The following MYOM1 variants were observed in gnomAD, a reference collection of about 807,000 sequenced individuals.
MYOM1 encodes myomesin 1.
MYOM1 carries 164 observed loss-of-function variants against 205.3 expected under a neutral mutation model. The ratio of observed to expected loss-of-function variants is 0.80; its 90% CI spans 0.70 to 0.91. The LOEUF is 0.91. Among genes scored for constraint, MYOM1 ranks in the 40% least tolerant of loss-of-function variants. The probability of loss-of-function intolerance (pLI) is 0.00; values close to 1 mark genes in which losing one functional copy is unlikely to be tolerated. For synonymous variants in MYOM1, 772 were observed against 789.4 expected (o/e 0.98, Z 0.37); for missense variants, 2,011 against 2,127.3 (o/e 0.95, Z 1.08).
At chr18:3,170,247 A>C (rs1322600066) in intron 8 of MYOM1, among the ~76,000 whole-genome samples, 3 of 152,148 alleles carry the variant, frequency 2.0e-5, no homozygotes. Context: ...TTTATTGCAT[A>C]TTTTCAAACA....
chr18:3,078,962 T>C (rs2079051708), intron 34 of MYOM1, among the ~76,000 whole-genome samples: 1 of 148,900 alleles, frequency 6.7e-6, no homozygotes, highest in Non-Finnish European at 1.5e-5. Flanking sequence ...GTGTGCCACT[T>C]TACCCAGCTA....
At chr18:3,076,722 C>CTT (rs35452841) in intron 34 of MYOM1, among the ~76,000 whole-genome samples, 16 of 143,028 alleles carry the variant, frequency 1.1e-4, no homozygotes, top group Admixed American at 2.8e-4. Context: ...AAAATGGCAG[C>CTT]TTTTTTTTTT....
intron 1 of MYOM1, 62 bp from the exon 2 acceptor site, chr18:3,215,313 T>C (rs904659423): frequency 1.6e-6 from 2 of 1,259,086 alleles, no homozygotes; most frequent in African/African-American, 3.0e-5. Context: ...GACCAAGTCA[T>C]CTAAATCAAT....
At chr18:3,081,074 T>A (rs1325238280) in intron 33 of MYOM1, among the ~76,000 whole-genome samples, 4 of 149,890 alleles carry the variant, frequency 2.7e-5, no homozygotes, top group African/African-American at 9.9e-5. Context: ...GAGGTTGCAG[T>A]GAGCCGGGAT....
chr18:3,182,910 CTTCTTTT>C (rs2080757343), intron 5 of MYOM1, among the ~76,000 whole-genome samples: 1 of 115,478 alleles, frequency 8.7e-6, no homozygotes, highest in Non-Finnish European at 1.9e-5. Flanking sequence ...ACTTTTCTTT[CTTCTTTT>C]TTTTTTTTTT....
At chr18:3,239,877 C>T in the MYOM1 span, among the ~76,000 whole-genome samples, 18 of 151,892 alleles carry the variant, frequency 1.2e-4, no homozygotes, top group Admixed American at 2.6e-4. Flanking sequence ...AAAGTGCAAC[C>T]ACTTAGCTTG....
chr18:3,104,119 C>T (rs1289764428), intron 22 of MYOM1, among the ~76,000 whole-genome samples: 1 of 152,142 alleles, frequency 6.6e-6, no homozygotes, highest in Non-Finnish European at 1.5e-5. Flanking sequence ...TATTTCTATT[C>T]CTGATAACAC....
At chr18:3,230,917 C>A in the MYOM1 span, among the ~76,000 whole-genome samples, 1 of 152,216 alleles carries the variant, frequency 6.6e-6, no homozygotes, top group Non-Finnish European at 1.5e-5. Context: ...AACAAAAAAA[C>A]CAAGGCTCAG....
Position 3,085,152 on chromosome 18 carries a change from C to A in MYOM1, c.4252-20G>T. 6.5e-7 allele frequency: 1 copy of A among 1,539,914 alleles called. No individual in the cohort carries two copies. The highest frequency in any genetic ancestry group is 8.8e-7 in the Non-Finnish European group (1 of 1,131,668). On this transcript the variant is annotated intron_variant, in intron 30 of 37. Transcript: ENST00000356443. ...GGAAAACTAAGGGGGAATAGATATA[C>A]CACATTGCACCTTTCGTAGCCCCAG...
At chr18:3,146,661 A>G (rs190753224) in intron 13 of MYOM1, among the ~76,000 whole-genome samples, 71 of 152,218 alleles carry the variant, frequency 4.7e-4, no homozygotes, top group Admixed American at 3.8e-3. Flanking sequence ...ACTTAATGTT[A>G]GACTTAATGG....
At chr18:3,170,713 A>C (rs2080544280) in intron 8 of MYOM1, among the ~76,000 whole-genome samples, 1 of 152,176 alleles carries the variant, frequency 6.6e-6, no homozygotes, top group Admixed American at 6.5e-5. Flanking sequence ...AGACACTTTC[A>C]CATTTGACAT....
intron 21 of MYOM1, among the ~76,000 whole-genome samples, chr18:3,115,250 C>T (rs990366276): frequency 2.6e-5 from 4 of 152,156 alleles, no homozygotes; most frequent in African/African-American, 4.8e-5. Context: ...TGTCTTATTT[C>T]TTCAGAGTTT....
chr18:3,215,002 C>CGAG lies in MYOM1; in HGVS notation c.219_221dup (p.Ser74dup). On this transcript the variant is annotated inframe_insertion, in exon 2 of 38. Transcript: ENST00000356443. The stretch of plus-strand genomic sequence containing the variant: ...TGACTTCAGAGCTCAGGGCGTGCTG[C>CGAG]GAGGCCTGCTGCTGGGAGGAGGAGG... 6.2e-7 allele frequency: 1 copy of CGAG among 1,611,806 alleles called. No homozygotes were observed. The highest frequency in any genetic ancestry group is 8.5e-7 in the Non-Finnish European group (1 of 1,178,908).
chr18:3,166,329 G>T (rs1052189773), intron 9 of MYOM1, among the ~76,000 whole-genome samples: 1 of 149,896 alleles, frequency 6.7e-6, no homozygotes, highest in Non-Finnish European at 1.5e-5. Context: ...AGAGTGCAGC[G>T]GTGTGATCTC....
chr18:3,090,217 A>ATTTTTTTT (rs71159040), intron 27 of MYOM1, among the ~76,000 whole-genome samples: 4 of 124,648 alleles, frequency 3.2e-5, no homozygotes, highest in Non-Finnish European at 3.3e-5. Context: ...TGAAAACTGT[A>ATTTTTTTT]TTTTTTTTTT....
chr18:3,126,003 T>C (rs909651194), intron 19 of MYOM1, among the ~76,000 whole-genome samples: 5 of 152,010 alleles, frequency 3.3e-5, no homozygotes, highest in African/African-American at 1.2e-4. Flanking sequence ...CCGCGGTGGC[T>C]CATGCCTATA....
intron 1 of MYOM1, among the ~76,000 whole-genome samples, chr18:3,215,497 G>A (rs752716385): frequency 9.9e-5 from 15 of 152,264 alleles, no homozygotes; most frequent in Non-Finnish European, 1.9e-4. Context: ...CAGCTACTCC[G>A]GAGGCTGAGG....
Position 3,158,584 on chromosome 18 carries a change from A to G in MYOM1, c.1502-3496T>C, listed in dbSNP as rs997872754. Among the ~76,000 whole-genome samples the G allele has an allele frequency of 2.0e-4, 31 of 152,236 alleles. 1 individual carries two copies. Among genetic ancestry groups the G allele is most frequent in the African/African-American group, 7.0e-4 (29 of 41,554 alleles). On this transcript the variant is annotated intron_variant, in intron 10 of 37. Coordinates refer to ENST00000356443, the MANE Select transcript of MYOM1 (RefSeq NM_003803.4). ...AAAAACTTTACATCTTTTCAATATG[A>G]TAGGAAAAACAATCTCATTTCAATT...
At chr18:3,073,835 G>A (rs1339610242) in intron 36 of MYOM1, among the ~76,000 whole-genome samples, 2 of 152,210 alleles carry the variant, frequency 1.3e-5, no homozygotes, top group Admixed American at 6.5e-5. Context: ...GTATTCAACT[G>A]TGAGAGGGAA....
Sources: gnomAD v4.1 joint callset for allele counts (sites outside exome capture counted in the v4.1 genomes callset) on GRCh38, gnomAD v4.1.1 for gene constraint, MANE v1.5 for transcripts, NCBI Gene and HGNC (gene_info 2026-07-23, HGNC 2026-07-21) for gene names.